The following LGSN variants were observed in gnomAD, a reference collection of about 807,000 sequenced individuals.
The protein encoded by LGSN is lengsin, lens protein with glutamine synthetase domain.
Under a neutral mutation model 19.5 loss-of-function variants are expected in LGSN, and 21 were observed. The ratio of observed to expected loss-of-function variants is 1.07; its 90% CI spans 0.76 to 1.55. The LOEUF (loss-of-function observed/expected upper bound fraction) is 1.55, where lower values mean the gene tolerates loss of function less well. Among genes scored for constraint, LGSN ranks in the 40% most tolerant of loss-of-function variants. LGSN has a pLI of 0.00. For synonymous variants in LGSN, 257 were observed against 215.6 expected (o/e 1.19, Z -1.68); for missense variants, 673 against 608.5 (o/e 1.11, Z -1.12).
chr6:63,515,213 G>GT, the LGSN span, among the ~76,000 whole-genome samples: 7 of 106,350 alleles, frequency 6.6e-5, no homozygotes, highest in Admixed American at 3.0e-4. Context: ...TTTCTAAAAA[G>GT]TTTTTTTGTT....
Position 63,280,480 on chromosome 6 carries a change from G to A in LGSN, c.1071C>T (p.Cys357=), listed in dbSNP as rs745545025. Residue 357 remains cysteine, a synonymous_variant, in exon 4 of 4, where the codon TGC becomes TGT. Coordinates refer to ENST00000370657, the MANE Select transcript of LGSN (RefSeq NM_016571.3). ...GLLKHSAALS[C]LMAPSVSCRK... ...GGCAGCTAACAGAAGGCGCCATCAG[G>A]CAGCTGAGCGCAGCAGAGTGCTTCA... The A allele has an allele frequency of 4.3e-6, 7 of 1,613,994 alleles. No individual in the cohort carries two copies. In the African/African-American group the frequency reaches 5.3e-5, roughly 12 times the overall value.
the LGSN span, among the ~76,000 whole-genome samples, chr6:63,356,435 G>C: frequency 6.6e-6 from 1 of 152,016 alleles, no homozygotes; most frequent in Non-Finnish European, 1.5e-5. Context: ...CCAGCTACTC[G>C]GGAGGCTGAG....
chr6:63,409,704 C>CT, the LGSN span, among the ~76,000 whole-genome samples: 1 of 152,072 alleles, frequency 6.6e-6, no homozygotes, highest in African/African-American at 2.4e-5. Context: ...GACTTTTTTG[C>CT]TACATGATTT....
chr6:63,382,055 T>C, the LGSN span, among the ~76,000 whole-genome samples: 1 of 152,124 alleles, frequency 6.6e-6, no homozygotes, highest in Non-Finnish European at 1.5e-5. Context: ...ATCAACCAAG[T>C]GCTATTCTTC....
chr6:63,413,728 A>G, the LGSN span, among the ~76,000 whole-genome samples: 12 of 152,346 alleles, frequency 7.9e-5, no homozygotes, highest in African/African-American at 2.6e-4. Context: ...ACTTCATATA[A>G]AGGTAAAATG....
At chr6:63,567,676 C>T in the LGSN span, among the ~76,000 whole-genome samples, 1 of 152,354 alleles carries the variant, frequency 6.6e-6, no homozygotes, top group East Asian at 1.9e-4. Context: ...ACATCAGCCC[C>T]TAACAAGAGA....
chr6:63,513,684 G>A, the LGSN span, among the ~76,000 whole-genome samples: 6 of 152,074 alleles, frequency 3.9e-5, no homozygotes, highest in South Asian at 1.0e-3. Context: ...GCCAAGGCAG[G>A]TGGATCATCT....
the LGSN span, chr6:63,570,968 C>T: frequency 3.9e-5 from 6 of 152,098 alleles, no homozygotes; most frequent in Admixed American, 6.5e-5. Context: ...GATTTTTAAG[C>T]TTTCTATATT....
the LGSN span, among the ~76,000 whole-genome samples, chr6:63,329,705 A>G: frequency 6.6e-6 from 1 of 152,196 alleles, no homozygotes; most frequent in Non-Finnish European, 1.5e-5. Context: ...CTCCTCAAGT[A>G]GGGGACAACA....
the LGSN span, among the ~76,000 whole-genome samples, chr6:63,463,959 G>T: frequency 6.6e-6 from 1 of 151,980 alleles, no homozygotes; most frequent in Non-Finnish European, 1.5e-5. Flanking sequence ...ATAAGAGTGT[G>T]CCCTTATCTT....
the LGSN span, among the ~76,000 whole-genome samples, chr6:63,522,439 C>T: frequency 6.6e-6 from 1 of 152,164 alleles, no homozygotes; most frequent in Non-Finnish European, 1.5e-5. Context: ...ACCCTAGTTA[C>T]AATTCAGGTG....
chr6:63,456,562 GTTA>G, the LGSN span, among the ~76,000 whole-genome samples: 4 of 151,424 alleles, frequency 2.6e-5, no homozygotes, highest in African/African-American at 7.3e-5. Context: ...CAGGTTGACA[GTTA>G]TTAGTTCATG....
At chr6:63,312,254 T>A (rs2127395373) in intron 1 of LGSN, among the ~76,000 whole-genome samples, 1 of 152,316 alleles carries the variant, frequency 6.6e-6, no homozygotes, top group South Asian at 2.1e-4. Context: ...AATGCTGTAA[T>A]AAACATGGGA....
chr6:63,326,358 C>T, the LGSN span, among the ~76,000 whole-genome samples: 1 of 152,248 alleles, frequency 6.6e-6, no homozygotes, highest in Non-Finnish European at 1.5e-5. Flanking sequence ...TCCACATCCC[C>T]ACCAGACTCA....
At chr6:63,368,988 A>G in the LGSN span, among the ~76,000 whole-genome samples, 1 of 152,236 alleles carries the variant, frequency 6.6e-6, no homozygotes, top group African/African-American at 2.4e-5. Flanking sequence ...GGAAATCCAG[A>G]GACTTTCCTT....
At chr6:63,479,800 A>T in the LGSN span, among the ~76,000 whole-genome samples, 11 of 152,314 alleles carry the variant, frequency 7.2e-5, no homozygotes, top group African/African-American at 2.4e-4. Flanking sequence ...ATAGATGAAG[A>T]ATCTGAGACT....
the LGSN span, among the ~76,000 whole-genome samples, chr6:63,476,686 A>C: frequency 2.6e-5 from 4 of 152,344 alleles, no homozygotes; most frequent in East Asian, 7.7e-4. Flanking sequence ...GAGAGTCTAA[A>C]GAGCACAGGA....
At chr6:63,416,957 AC>A in the LGSN span, among the ~76,000 whole-genome samples, 4 of 150,740 alleles carry the variant, frequency 2.7e-5, no homozygotes, top group South Asian at 2.1e-4. Flanking sequence ...ACACACACAC[AC>A]ATTTAACGAA....
chr6:63,474,166 C>A, the LGSN span, among the ~76,000 whole-genome samples: 1 of 152,200 alleles, frequency 6.6e-6, no homozygotes, highest in Non-Finnish European at 1.5e-5. Context: ...TTAGAAGCTG[C>A]CTGTACTCTT....
Sources: gnomAD v4.1 joint callset for allele counts (sites outside exome capture counted in the v4.1 genomes callset) on GRCh38, gnomAD v4.1.1 for gene constraint, MANE v1.5 for transcripts, NCBI Gene and HGNC (gene_info 2026-07-23, HGNC 2026-07-21) for gene names.